DNAH10: variants seen among roughly 807,000 people sequenced by gnomAD.
DNAH10 encodes the protein axonemal beta dynein heavy chain 10.
DNAH10 carries 348 observed loss-of-function variants against 506.6 expected under a neutral mutation model. The ratio of observed to expected loss-of-function variants is 0.69; its 90% confidence interval spans 0.63 to 0.75. The LOEUF (loss-of-function observed/expected upper bound fraction) is 0.75. Among genes scored for constraint, DNAH10 ranks in the 30% least tolerant of loss-of-function variants. The pLI, the probability that DNAH10 is intolerant of heterozygous loss-of-function variation, is 0.00. For synonymous variants in DNAH10, 2,059 were observed against 2,198.6 expected, an observed-to-expected ratio of 0.94 and a Z score of 1.78; for missense variants, 5,179 against 5,787.1, an observed-to-expected ratio of 0.89 and a Z score of 3.41.
chr12:123,931,899 G>A (rs186023735), intron 75 of DNAH10, 42 bp from the exon 76 acceptor site: 5 of 1,612,900 alleles, frequency 3.1e-6, no homozygotes, highest in Middle Eastern at 1.7e-4. Flanking sequence ...GGCACCTGGG[G>A]TTCTGATAGA....
At chr12:123,914,797 C>T in intron 61 of DNAH10, 55 bp from the exon 62 acceptor site, 3 of 1,588,470 alleles carry the variant, frequency 1.9e-6, no homozygotes, top group East Asian at 2.3e-5. Flanking sequence ...CACCCTTAGC[C>T]CTTGGCTCAC....
intron 47 of DNAH10, 59 bp downstream of exon 47, chr12:123,875,550 C>T: frequency 1.2e-6 from 2 of 1,600,764 alleles, no homozygotes; most frequent in East Asian, 4.5e-5. Flanking sequence ...GGGAAACATA[C>T]ACAGGGCTGA....
chr12:123,767,548 G>A (rs1957092924), intron 1 of DNAH10, 58 bp from the exon 2 acceptor site: 1 of 1,515,488 alleles, frequency 6.6e-7, no homozygotes, highest in African/African-American at 1.4e-5. Flanking sequence ...GATATCAGGT[G>A]TTTCATGCAG....
chr12:123,767,272 A>G (rs1437870666), intron 1 of DNAH10, among the ~76,000 whole-genome samples: 1 of 152,070 alleles, frequency 6.6e-6, no homozygotes, highest in African/African-American at 2.4e-5. Context: ...ACCATTTTGA[A>G]ATGTACAGTT....
rs371407356 is a variant in DNAH10, at chr12:123,914,998, G to A, written c.10721G>A (p.Arg3574Gln). ...IKRKEEKNNL[R>Q]VASFNDPDFL... is the part of the protein sequence containing the mutation. ...AGAAAAGAGGAGAAGAACAATCTGCGGGTATGGTGGCTCCTCCCAGGGCGT... is the reference window on the plus strand; with the variant it reads ...AGAAAAGAGGAGAAGAACAATCTGCAGGTATGGTGGCTCCTCCCAGGGCGT... Residue 3574 changes from arginine to glutamine, a missense_variant and splice_region_variant, in exon 62 of 79, where the codon CGG becomes CAG. Transcript: ENST00000673944. The A allele has an allele frequency of 6.2e-6, 10 of 1,603,850 alleles. No individual in the cohort carries two copies. Among genetic ancestry groups the A allele is most frequent in the Admixed American group, 5.1e-5 (3 of 58,590 alleles).
At chr12:123,854,013 TAGG>T (rs957724462) in intron 36 of DNAH10, among the ~76,000 whole-genome samples, 13 of 147,972 alleles carry the variant, frequency 8.8e-5, no homozygotes, top group Non-Finnish European at 1.8e-4. Context: ...TTTGTGTCCA[TAGG>T]AGGAGAGGCT....
chr12:123,805,756 C>T (rs943454397), intron 18 of DNAH10, among the ~76,000 whole-genome samples: 1 of 151,508 alleles, frequency 6.6e-6, no homozygotes, highest in African/African-American at 2.4e-5. Context: ...CCCAGCCTCA[C>T]ATTTTTCTCT....
chr12:123,933,464 T>G lies in DNAH10; in HGVS notation c.13430T>G (p.Val4477Gly), dbSNP rs1955314533. 6.2e-7 allele frequency: 1 copy of G among 1,611,914 alleles called. No homozygotes were observed. Among genetic ancestry groups the G allele is most frequent in the Non-Finnish European group, 8.5e-7 (1 of 1,179,272 alleles). The change falls in exon 77 of 79, where the codon GTG becomes GGG. Residue 4477 changes from valine (V) to glycine (G), a missense_variant. Physicochemically the swap from Val to Gly is moderately radical, Grantham distance 109. This residue lies in a region of DNAH10 where 4,844 missense variants were observed against 5,430.5 expected (regional missense o/e 0.89). Coordinates refer to ENST00000673944, the MANE Select transcript of DNAH10 (RefSeq NM_001372106.1). ...GACCGCTCCACCTTGTTCACACAAG[T>G]GACCAAGTTCCAGGATGCAGATGAA... ...PLDRSTLFTQ[V>G]TKFQDADEVN... is the part of the protein sequence containing the mutation.
chr12:123,818,227 G>C (rs1473586091), intron 21 of DNAH10, among the ~76,000 whole-genome samples: 1 of 151,986 alleles, frequency 6.6e-6, no homozygotes, highest in Non-Finnish European at 1.5e-5. Context: ...GATTACAGAC[G>C]TGAGCTACTG....
In DNAH10 at chr12:123,926,237, T is replaced by TAA. The variant is rs869303760; in HGVS notation, c.11922-383_11922-382dup. Among the ~76,000 whole-genome samples, 2 of 108,350 alleles carry TAA rather than the reference T, an allele frequency of 1.8e-5. No homozygotes were observed. Among genetic ancestry groups the TAA allele is most frequent in the Admixed American group, 9.7e-5 (1 of 10,264 alleles). 71.1% of individuals were successfully genotyped at this position (108,350 alleles called of 152,430 possible). On this transcript the variant is annotated intron_variant, in intron 68 of 78. Coordinates refer to ENST00000673944, the MANE Select transcript of DNAH10 (RefSeq NM_001372106.1). This position sits in a 1 kb window ranked among gnomAD's most constrained non-coding sequence, Gnocchi z 4.1. ...CAGAGTGAGATTATATATTTCAATT[T>TAA]AAAAAAAAAAAAAAAAAAGAAAAAG... is the stretch of plus-strand genomic sequence containing the variant.
Position 123,935,391 on chromosome 12 carries a change from C to T in DNAH10, c.13680C>T (p.Val4560=), listed in dbSNP as rs779154465. Residue 4560 remains valine, a synonymous_variant, in exon 79 of 79, where the codon GTC becomes GTT. Transcript: ENST00000673944. The stretch of plus-strand genomic sequence containing the variant: ...CCATGAGAAGGAACGCCATGGGAGT[C>T]GGCTTGGTTTTTGAAGCTGATCTCT... The part of the protein sequence containing the change: ...TTSMRRNAMG[V]GLVFEADLFT... 17 of 1,611,868 alleles carry T rather than the reference C, an allele frequency of 1.1e-5. No homozygotes were observed. Among genetic ancestry groups the T allele is most frequent in the African/African-American group, 4.0e-5 (3 of 75,042 alleles).
At position 123,931,474 on chromosome 12, in the gene DNAH10, TAA is replaced by T. The variant is rs1955203835; in HGVS notation, c.12916+4_12916+5del. On this transcript the variant is annotated splice_donor_region_variant and intron_variant, in intron 74 of 78. Transcript: ENST00000673944. The stretch of plus-strand genomic sequence containing the variant: ...TGCTGGAGCTGCAGCCTCAGACAGG[TAA>T]ACTCTACTCAGGAGGACTTCATTAG... The T allele has an allele frequency of 3.1e-6, 5 of 1,613,270 alleles. No homozygotes were observed. In the African/African-American group the frequency reaches 6.7e-5, roughly 22 times the overall value.
intron 40 of DNAH10, among the ~76,000 whole-genome samples, chr12:123,865,294 G>T (rs913433649): frequency 2.7e-5 from 4 of 149,700 alleles, no homozygotes; most frequent in Non-Finnish European, 4.4e-5. Flanking sequence ...ATCATATCAA[G>T]TATTCTGTCG....
At chr12:123,932,601 A>G (rs999776330) in intron 76 of DNAH10, 2 of 155,282 alleles carry the variant, frequency 1.3e-5, no homozygotes, top group Non-Finnish European at 2.9e-5. Context: ...GAGCTTGTGC[A>G]TTTTAAATTT....
In DNAH10 at chr12:123,841,327, C is replaced by T. The variant is rs780903679; in HGVS notation, c.5142C>T (p.Tyr1714=). 2.7e-5 allele frequency: 44 copies of T among 1,613,768 alleles called. No individual in the cohort carries two copies. The highest frequency in any genetic ancestry group is 1.8e-4 in the South Asian group (16 of 91,078). The change falls in exon 30 of 79, where the codon TAC becomes TAT. Residue 1714 remains tyrosine, a synonymous_variant. Coordinates refer to ENST00000673944, the MANE Select transcript of DNAH10 (RefSeq NM_001372106.1). ...LCVQEHMIKM[Y]DNIASLRFND... ...CTGCCTCTCCCTGTTTGCAGATGTACGACAACATAGCATCACTGAGGTTTA... is the reference window on the plus strand; with the variant it reads ...CTGCCTCTCCCTGTTTGCAGATGTATGACAACATAGCATCACTGAGGTTTA...
chr12:123,781,044 C>T, intron 5 of DNAH10, 36 bp from the exon 6 acceptor site: 2 of 1,494,580 alleles, frequency 1.3e-6, no homozygotes, highest in South Asian at 2.5e-5. Flanking sequence ...TTGAAAATGA[C>T]TTCATATGAT....
In DNAH10 at chr12:123,924,381, C is replaced by T; in HGVS notation, c.11715C>T (p.Asn3905=). 6.2e-7 allele frequency: 1 copy of T among 1,613,784 alleles called. No homozygotes were observed. The highest frequency in any genetic ancestry group is 2.2e-5 in the East Asian group (1 of 44,878). The change falls in exon 67 of 79, where the codon AAC becomes AAT. Residue 3905 remains asparagine (N), a synonymous_variant. Coordinates refer to ENST00000673944, the MANE Select transcript of DNAH10 (RefSeq NM_001372106.1). ...TTTTATCAGAAATGTTTTCAGACAA[C>T]TTTGGGCAACTTCCTGATGATGTTG... is the stretch of plus-strand genomic sequence containing the variant. The part of the protein sequence containing the change: ...IILLSEMFSD[N]FGQLPDDVEN...
Position 123,877,890 on chromosome 12 carries a change from T to C in DNAH10, c.8354T>C (p.Val2785Ala), listed in dbSNP as rs770336735. The C allele has an allele frequency of 6.8e-6, 11 of 1,614,008 alleles. No individual in the cohort carries two copies. The highest frequency in any genetic ancestry group is 8.5e-6 in the Non-Finnish European group (10 of 1,179,880). Residue 2785 changes from valine to alanine, a missense_variant, in exon 48 of 79, where the codon GTC becomes GCC. By Grantham distance (64) the Val-to-Ala change is moderately conservative (BLOSUM62 0). Transcript: ENST00000673944. ...RDLSRVFNGLVLTNPERFQTV... is the reference protein window; with the variant it reads ...RDLSRVFNGLALTNPERFQTV... ...CTCTCACGGGTTTTTAATGGTCTTG[T>C]CCTCACTAACCCGGAGCGGTGAGTT...
chr12:123,845,237 G>T (rs1950905552), intron 30 of DNAH10, among the ~76,000 whole-genome samples: 1 of 152,102 alleles, frequency 6.6e-6, no homozygotes, highest in Admixed American at 6.5e-5. Context: ...GGCTTCAAGT[G>T]ATCCTCTTCC....
Sources: allele counts gnomAD v4.1 joint callset (sites outside exome capture counted in the v4.1 genomes callset), GRCh38; gene constraint gnomAD v4.1.1; regional missense constraint gnomAD v4.1.1; non-coding constraint Gnocchi (gnomAD v3.1); transcripts MANE v1.5; gene names NCBI Gene and HGNC (gene_info 2026-07-23, HGNC 2026-07-21).